Variants in SOX6 observed in about 807,000 individuals in gnomAD.
SOX6 encodes the protein SRY-box transcription factor 6.
SOX6 carries 11 observed loss-of-function variants against 97.8 expected under a neutral mutation model. That is an observed-to-expected ratio of 0.11 (90% CI 0.07 to 0.19). SOX6 has a LOEUF of 0.19. SOX6 is among the 10% of genes least tolerant of loss of function. The pLI is 1.00. For missense variants in SOX6, 810 were observed against 1,039.5 expected (o/e 0.78, Z 3.04); for synonymous variants, 360 against 371.4 (o/e 0.97, Z 0.35).
chr11:16,664,827 A>G (rs745480858), intron 3 of SOX6, among the ~76,000 whole-genome samples: 1 of 151,800 alleles, frequency 6.6e-6, no homozygotes, highest in African/African-American at 2.4e-5. Context: ...AAGGGTAAAG[A>G]GTACTTTGTC....
chr11:16,430,936 G>A (rs1229408931), intron 1 of SOX6, among the ~76,000 whole-genome samples: 2 of 152,140 alleles, frequency 1.3e-5, no homozygotes, highest in Non-Finnish European at 2.9e-5. Context: ...AAAAGCCAAA[G>A]CCTTTACAAT....
chr11:16,468,730 A>C (rs574654025), intron 1 of SOX6, among the ~76,000 whole-genome samples: 1 of 152,286 alleles, frequency 6.6e-6, no homozygotes, highest in East Asian at 1.9e-4. Context: ...TAGAGTTGAA[A>C]AGTAAACCAA....
chr11:16,651,517 A>G (rs775368740), intron 3 of SOX6, among the ~76,000 whole-genome samples: 3 of 152,200 alleles, frequency 2.0e-5, no homozygotes, highest in Non-Finnish European at 4.4e-5. Context: ...GAACTAAAAC[A>G]AAAATCATGT....
chr11:16,611,215 C>T (rs1848393767), intron 4 of SOX6, among the ~76,000 whole-genome samples: 1 of 152,214 alleles, frequency 6.6e-6, no homozygotes, highest in African/African-American at 2.4e-5. Context: ...TTGGGAAGGA[C>T]AAGGCAATTA....
intron 9 of SOX6, among the ~76,000 whole-genome samples, chr11:16,059,057 T>C (rs1010975980): frequency 6.6e-6 from 1 of 152,126 alleles, no homozygotes; most frequent in Non-Finnish European, 1.5e-5. Flanking sequence ...TTTTTGGCTT[T>C]ACACTCCTAA....
intron 15 of SOX6, among the ~76,000 whole-genome samples, 163 bp downstream of exon 15, chr11:15,986,041 G>A (rs1424670443): frequency 2.0e-5 from 3 of 152,096 alleles, no homozygotes; most frequent in Non-Finnish European, 4.4e-5. Flanking sequence ...ATGGTGCAAG[G>A]CAGTGCCCCT....
chr11:16,497,301 C>G lies in SOX6; in HGVS notation n.610-20913G>C, dbSNP rs187398207. Among the ~76,000 whole-genome samples, 7 of 152,164 alleles carry G rather than the reference C, an allele frequency of 4.6e-5. No homozygotes were observed. The East Asian group carries it at 1.4e-3, about 29-fold the overall frequency. On this transcript the variant is annotated intron_variant and non_coding_transcript_variant, in intron 4 of 5. Transcript: ENST00000524520. ...CTAACACACAGAAAGGACATCCACACCAAAACCCCATCTGTATGTCACCAT... is the reference window on the plus strand; with the variant it reads ...CTAACACACAGAAAGGACATCCACAGCAAAACCCCATCTGTATGTCACCAT...
intron 4 of SOX6, among the ~76,000 whole-genome samples, chr11:16,563,035 C>T (rs766829725): frequency 1.3e-5 from 2 of 152,078 alleles, no homozygotes; most frequent in Non-Finnish European, 2.9e-5. Flanking sequence ...AAGCAAAAAT[C>T]ACTGTCATAC....
In SOX6 at chr11:15,982,393, G is replaced by A. The variant is rs77900744; in HGVS notation, c.2183+3811C>T. Among the ~76,000 whole-genome samples, 1,301 of 152,084 alleles carry A rather than the reference G, an allele frequency of 8.6e-3. 25 individuals are homozygous for A. Among genetic ancestry groups the A allele is most frequent in the African/African-American group, 0.029 (1,207 of 41,502 alleles). On this transcript the variant is annotated intron_variant, in intron 15 of 15. Coordinates refer to ENST00000683767, the MANE Select transcript of SOX6 (RefSeq NM_001367873.1). The stretch of plus-strand genomic sequence containing the variant: ...CAGCAGAGTACACAGCACACAGTAA[G>A]TATTCAATAATCTATCTTTATCATT...
intron 4 of SOX6, among the ~76,000 whole-genome samples, chr11:16,498,267 T>C (rs1343835336): frequency 6.6e-6 from 1 of 152,168 alleles, no homozygotes; most frequent in African/African-American, 2.4e-5. Context: ...CTGAGAGATT[T>C]TGTCACCACC....
Position 15,995,004 on chromosome 11 carries a change from C to T in SOX6, c.1733-5774G>A, listed in dbSNP as rs191465944. 3.3e-5 allele frequency among the ~76,000 whole-genome samples: 5 copies of T among 152,242 alleles called. No individual in the cohort carries two copies. In the East Asian group the frequency reaches 9.7e-4, roughly 29 times the overall value. ...TGAAGACGCTTTCTGGTCTTCATAG[C>T]ATGGAGTGGCTAGAATGCAAATAGA... is the stretch of plus-strand genomic sequence containing the variant. On this transcript the variant is annotated intron_variant, in intron 13 of 15. Coordinates refer to ENST00000683767, the MANE Select transcript of SOX6 (RefSeq NM_001367873.1).
In SOX6 at chr11:15,967,462, G is replaced by A. The variant is rs972648882; in HGVS notation, c.*5347C>T. The A allele has an allele frequency of 2.0e-5, 3 of 152,164 alleles. No homozygotes were observed. The highest frequency in any genetic ancestry group is 7.2e-5 in the African/African-American group (3 of 41,428). The allele number at this position is 152,164 out of a possible 1,614,324, so 9.4% of individuals were successfully genotyped here. A position where few individuals can be genotyped will look rare whatever the true frequency, so the allele number is the denominator to read the frequency against. ...TCACAAACAAATTACAACGTCGGGG[G>A]AAATAAAAGAGTTACAGTAAGATAA... On this transcript the variant is annotated 3_prime_UTR_variant, in exon 16 of 16. Transcript: ENST00000683767.
chr11:16,730,624 T>C (rs974416227), intron 2 of SOX6, among the ~76,000 whole-genome samples: 1 of 152,046 alleles, frequency 6.6e-6, no homozygotes, highest in Non-Finnish European at 1.5e-5. Flanking sequence ...ATAGCACTAA[T>C]TGCCCACAAG....
chr11:16,303,200 A>G (rs1855318642), intron 3 of SOX6, among the ~76,000 whole-genome samples: 1 of 152,180 alleles, frequency 6.6e-6, no homozygotes, highest in Non-Finnish European at 1.5e-5. Context: ...AAAGCTATTC[A>G]TCTCCTTTTA....
At chr11:16,250,381 G>A (rs1379306944) in intron 3 of SOX6, among the ~76,000 whole-genome samples, 1 of 151,996 alleles carries the variant, frequency 6.6e-6, no homozygotes, top group East Asian at 1.9e-4. Context: ...CCTAGCATTA[G>A]AAATTATATC....
intron 3 of SOX6, chr11:16,314,920 A>C (rs1855715510): frequency 6.6e-6 from 1 of 152,058 alleles, no homozygotes; most frequent in East Asian, 1.9e-4. Context: ...AAATGTTTTA[A>C]ATTATTTACT....
chr11:16,097,751 C>T, intron 7 of SOX6, 63 bp from the exon 8 acceptor site: 3 of 1,414,020 alleles, frequency 2.1e-6, no homozygotes, highest in Non-Finnish European at 2.0e-6. Context: ...CAGACAAGTA[C>T]AAACATGGTC....
intron 4 of SOX6, among the ~76,000 whole-genome samples, chr11:16,189,143 A>G (rs1851563143): frequency 2.6e-5 from 4 of 152,208 alleles, no homozygotes; most frequent in Admixed American, 2.6e-4. Context: ...ACTACATAGG[A>G]ATACAAATAA....
Position 16,039,114 on chromosome 11 carries a change from C to T in SOX6, c.1623+7400G>A, listed in dbSNP as rs150733030. ...TATGTATGACAAGAATTTTTGTGCACTTCACTTATCTCAGCTTTACCCTAC... is the reference window on the plus strand; with the variant it reads ...TATGTATGACAAGAATTTTTGTGCATTTCACTTATCTCAGCTTTACCCTAC... On this transcript the variant is annotated intron_variant, in intron 12 of 15. Transcript: ENST00000683767. 1.1e-3 allele frequency among the ~76,000 whole-genome samples: 168 copies of T among 152,208 alleles called. 1 individual carries two copies. The East Asian group carries it at 0.02, about 18-fold the overall frequency.
Sources: gnomAD v4.1 joint callset for allele counts (sites outside exome capture counted in the v4.1 genomes callset) on GRCh38, gnomAD v4.1.1 for gene constraint, MANE v1.5 for transcripts, NCBI Gene and HGNC (gene_info 2026-07-23, HGNC 2026-07-21) for gene names.